Variants in DOCK4 observed in about 807,000 individuals in gnomAD.
DOCK4 encodes dedicator of cytokinesis 4.
Under a neutral mutation model 268.1 loss-of-function variants are expected in DOCK4, and 97 were observed. The ratio of observed to expected loss-of-function variants is 0.36; its 90% confidence interval spans 0.31 to 0.43. DOCK4 has a LOEUF of 0.43. DOCK4 is among the 20% of genes least tolerant of loss of function. The pLI is 1.00. For synonymous variants in DOCK4, 954 were observed against 887.2 expected (o/e 1.08, Z -1.34); for missense variants, 2,145 against 2,455.7 (o/e 0.87, Z 2.67).
chr7:111,764,198 A>T (rs1797629859), intron 39 of DOCK4, among the ~76,000 whole-genome samples: 1 of 152,216 alleles, frequency 6.6e-6, no homozygotes, highest in Non-Finnish European at 1.5e-5. Flanking sequence ...ATGAACCTGT[A>T]TTGGATATTT....
chr7:111,940,923 G>A (rs1795151515), intron 10 of DOCK4, among the ~76,000 whole-genome samples: 1 of 152,098 alleles, frequency 6.6e-6, no homozygotes, highest in Non-Finnish European at 1.5e-5. Flanking sequence ...AGTTAATGTG[G>A]GAAAAAATGA....
intron 1 of DOCK4, among the ~76,000 whole-genome samples, chr7:112,142,944 C>T (rs570147361): frequency 6.6e-6 from 1 of 152,044 alleles, no homozygotes; most frequent in South Asian, 2.1e-4. Flanking sequence ...TAGGTTGTAC[C>T]TGGAAACAAA....
chr7:111,835,969 A>C (rs974221480), intron 25 of DOCK4, among the ~76,000 whole-genome samples: 1 of 152,172 alleles, frequency 6.6e-6, no homozygotes, highest in Non-Finnish European at 1.5e-5. Flanking sequence ...ATATTCAAGA[A>C]ACTAACCAGT....
chr7:111,857,484 C>A (rs1805105523), intron 23 of DOCK4, among the ~76,000 whole-genome samples: 1 of 152,198 alleles, frequency 6.6e-6, no homozygotes, highest in Admixed American at 6.5e-5. Flanking sequence ...GGTACATGAT[C>A]AGTGCCTTTA....
chr7:111,979,453 A>G (rs1393066811), intron 7 of DOCK4, among the ~76,000 whole-genome samples: 1 of 148,924 alleles, frequency 6.7e-6, no homozygotes, highest in Non-Finnish European at 1.5e-5. Context: ...TTTTCTATAA[A>G]GGTTGCTCTA....
At chr7:111,803,765 A>C (rs895805663) in intron 30 of DOCK4, among the ~76,000 whole-genome samples, 1 of 152,186 alleles carries the variant, frequency 6.6e-6, no homozygotes, top group Non-Finnish European at 1.5e-5. Flanking sequence ...CTCTTGATAG[A>C]ACATTTTTTA....
At chr7:112,019,377 CTTATT>C (rs1802123773) in intron 1 of DOCK4, among the ~76,000 whole-genome samples, 1 of 152,134 alleles carries the variant, frequency 6.6e-6, no homozygotes, top group African/African-American at 2.4e-5. Flanking sequence ...TAAAAACTAT[CTTATT>C]TTATAGCCTC....
chr7:112,087,658 A>T (rs970273218), intron 1 of DOCK4, among the ~76,000 whole-genome samples: 1 of 152,114 alleles, frequency 6.6e-6, no homozygotes, highest in African/African-American at 2.4e-5. Flanking sequence ...CTAAAATACT[A>T]TGTACCCTGA....
At chr7:111,759,353 G>C (rs954489533) in intron 40 of DOCK4, among the ~76,000 whole-genome samples, 6 of 152,130 alleles carry the variant, frequency 3.9e-5, no homozygotes, top group African/African-American at 1.4e-4. Context: ...TTCATATGCA[G>C]GGTGTTTAGT....
At position 111,863,227 on chromosome 7, in the gene DOCK4, A is replaced by G. The variant is rs1392919594; in HGVS notation, c.2473+145T>C. 7.5e-6 allele frequency: 6 copies of G among 800,886 alleles called. No homozygotes were observed. In the Admixed American group the frequency reaches 9.6e-5, roughly 13 times the overall value. The allele number at this position is 800,886 out of a possible 1,614,324, so 49.6% of individuals were successfully genotyped here. A position where few individuals can be genotyped will look rare whatever the true frequency, so the allele number is the denominator to read the frequency against. On this transcript the variant is annotated intron_variant, in intron 23 of 52. Coordinates refer to ENST00000428084, the MANE Select transcript of DOCK4 (RefSeq NM_001363540.2). The stretch of plus-strand genomic sequence containing the variant: ...TGCCATACTTTTGTATTTGACTACT[A>G]AATACATTTACCATCCAAATAAACA...
At chr7:112,062,823 G>C (rs760049507) in intron 1 of DOCK4, among the ~76,000 whole-genome samples, 1 of 152,090 alleles carries the variant, frequency 6.6e-6, no homozygotes, top group African/African-American at 2.4e-5. Context: ...TATTACAGGC[G>C]TGTGTCACCA....
rs552992196 is a variant in DOCK4 at position 111,793,888 on chromosome 7, C to T, written c.3167-3283G>A. Among the ~76,000 whole-genome samples the T allele has an allele frequency of 5.3e-5, 8 of 152,120 alleles. No individual in the cohort carries two copies. The East Asian group carries it at 5.8e-4, about 11-fold the overall frequency. On this transcript the variant is annotated intron_variant, in intron 30 of 52. Coordinates refer to ENST00000428084, the MANE Select transcript of DOCK4 (RefSeq NM_001363540.2). ...AAAGTTAGCCAGGCATGGTGTGTCACGCTCAGAAGTTCAGTGTGGCAGGGG... is the reference window on the plus strand; with the variant it reads ...AAAGTTAGCCAGGCATGGTGTGTCATGCTCAGAAGTTCAGTGTGGCAGGGG...
At chr7:112,205,389 G>A (rs931277107) in intron 1 of DOCK4, among the ~76,000 whole-genome samples, 6 of 152,038 alleles carry the variant, frequency 3.9e-5, no homozygotes, top group African/African-American at 1.4e-4. Context: ...TCGAGAGGGT[G>A]GCCAGAAGTA....
chr7:112,080,366 G>A (rs1188789719), intron 1 of DOCK4, among the ~76,000 whole-genome samples: 2 of 152,148 alleles, frequency 1.3e-5, no homozygotes, highest in African/African-American at 4.8e-5. Context: ...GCAACCCTAT[G>A]TAAAAGGATA....
At chr7:112,130,354 C>T (rs1813691079) in intron 1 of DOCK4, among the ~76,000 whole-genome samples, 1 of 152,304 alleles carries the variant, frequency 6.6e-6, no homozygotes, top group Non-Finnish European at 1.5e-5. Context: ...ACCCACTATG[C>T]TCACCAATGA....
At chr7:112,002,920 A>T (rs190703440) in intron 2 of DOCK4, among the ~76,000 whole-genome samples, 62 of 152,002 alleles carry the variant, frequency 4.1e-4, no homozygotes, top group Non-Finnish European at 1.5e-4. Context: ...GTGTGGTGGC[A>T]TGTGCCTGTA....
Position 111,926,571 on chromosome 7 carries a change from C to T in DOCK4, c.1066+8969G>A, listed in dbSNP as rs566179319. Among the ~76,000 whole-genome samples, 7 of 126,044 alleles carry T rather than the reference C, an allele frequency of 5.6e-5. 1 individual carries two copies. The highest frequency in any genetic ancestry group is 2.7e-4 in the South Asian group (1 of 3,768). 82.7% of individuals were successfully genotyped at this position (126,044 alleles called of 152,430 possible). A position where few individuals can be genotyped will look rare whatever the true frequency, so the allele number is the denominator to read the frequency against. On this transcript the variant is annotated intron_variant, in intron 12 of 52. Coordinates refer to ENST00000428084, the MANE Select transcript of DOCK4 (RefSeq NM_001363540.2). Reference sequence around the variant, plus strand: ...AAAGAAAGGAAGGAAGGAAGCAGGGCGGGCGGGCAAGGCGGGCAAGGTGGG... The same window carrying T: ...AAAGAAAGGAAGGAAGGAAGCAGGGTGGGCGGGCAAGGCGGGCAAGGTGGG...
chr7:111,855,634 C>A (rs1423327579), intron 23 of DOCK4, among the ~76,000 whole-genome samples: 1 of 152,096 alleles, frequency 6.6e-6, no homozygotes. Context: ...ACATGGATGG[C>A]ACTAACTGAG....
At chr7:111,829,413 C>T (rs1163843150) in intron 26 of DOCK4, among the ~76,000 whole-genome samples, 3 of 152,012 alleles carry the variant, frequency 2.0e-5, no homozygotes, top group Admixed American at 6.6e-5. Context: ...AATCTCATGG[C>T]GGGGGAGGCA....
Sources: gnomAD v4.1 joint callset for allele counts (sites outside exome capture counted in the v4.1 genomes callset) on GRCh38, gnomAD v4.1.1 for gene constraint, MANE v1.5 for transcripts, NCBI Gene and HGNC (gene_info 2026-07-23, HGNC 2026-07-21) for gene names.